S1PR3: variants seen among roughly 807,000 people sequenced by gnomAD.
S1PR3 encodes sphingosine 1-phosphate receptor 3.
Under a neutral mutation model 13.3 loss-of-function variants are expected in S1PR3, and 12 were observed. The ratio of observed to expected loss-of-function variants is 0.90; its 90% CI spans 0.58 to 1.46. The LOEUF (loss-of-function observed/expected upper bound fraction) is 1.46. Ranked by LOEUF, S1PR3 falls within the 40% of genes most tolerant of loss-of-function variation. The probability of loss-of-function intolerance (pLI) is 0.00; values close to 1 mark genes in which losing one functional copy is unlikely to be tolerated. For missense variants in S1PR3, 450 were observed against 501.9 expected (o/e 0.90, Z 0.99); for synonymous variants, 232 against 214.0 (o/e 1.08, Z -0.73).
chr9:89,001,322 T>A lies in S1PR3; in HGVS notation c.122T>A (p.Leu41His). The A allele has an allele frequency of 6.2e-7, 1 of 1,614,206 alleles. No individual in the cohort carries two copies. The highest frequency in any genetic ancestry group is 1.3e-5 in the African/African-American group (1 of 75,050). Residue 41 changes from leucine (L) to histidine (H), a missense_variant, in exon 2 of 2, where the codon CTC becomes CAC. By Grantham distance (99) the Leu-to-His change is moderately conservative. Coordinates refer to ENST00000358157, the MANE Select transcript of S1PR3 (RefSeq NM_005226.4). Reference sequence around the variant, plus strand: ...AAGGAGGCCTCCGAGGGCAGCACGCTCACCACCGTGCTCTTCTTGGTCATC... The same window carrying A: ...AAGGAGGCCTCCGAGGGCAGCACGCACACCACCGTGCTCTTCTTGGTCATC... The part of the protein sequence containing the change: ...RLKEASEGST[L>H]TTVLFLVICS...
At chr9:88,999,076 C>T (rs1825839169) in intron 1 of S1PR3, 1 of 152,370 alleles carries the variant, frequency 6.6e-6, no homozygotes, top group Non-Finnish European at 1.5e-5. Context: ...CTTTTTCTTT[C>T]TGCAGTTAGC....
At position 88,991,792 on chromosome 9, in the gene S1PR3, G is replaced by A. The variant is rs1825715298; in HGVS notation, c.-148+97G>A. On this transcript the variant is annotated intron_variant, in intron 1 of 1. Transcript: ENST00000358157. The surrounding 1 kb of genome is among the most constrained non-coding windows in gnomAD (Gnocchi z 4.0). ...CAAAATCCCCACCGATCCCGGGCGC[G>A]ACGGGGACTTGGGCGCGCCACGGCG... is the stretch of plus-strand genomic sequence containing the variant. 5 of 1,598,944 alleles carry A rather than the reference G, an allele frequency of 3.1e-6. No individual in the cohort carries two copies. The highest frequency in any genetic ancestry group is 4.3e-6 in the Non-Finnish European group (5 of 1,172,164).
intron 1 of S1PR3, chr9:88,998,327 T>C (rs1239455282): frequency 6.6e-6 from 1 of 152,086 alleles, no homozygotes; most frequent in African/African-American, 2.4e-5. Context: ...AATACAAATA[T>C]TAGCCGGGCA....
chr9:88,999,815 A>T (rs1035630707), intron 1 of S1PR3: 1 of 152,092 alleles, frequency 6.6e-6, no homozygotes, highest in African/African-American at 2.4e-5. Context: ...CAGCCTGGCC[A>T]ACATGGTGAA....
chr9:89,002,160 A>G lies in S1PR3; in HGVS notation c.960A>G (p.Gly320=). 1.2e-6 allele frequency: 2 copies of G among 1,613,726 alleles called. No homozygotes were observed. Among genetic ancestry groups the G allele is most frequent in the Middle Eastern group, 3.3e-4 (2 of 6,062 alleles). ...FRLVCNCLVR[G]RGARASPIQP... ...TGGTCTGCAACTGCCTGGTCAGGGG[A>G]CGGGGGGCCCGCGCCTCACCCATCC... is the stretch of plus-strand genomic sequence containing the variant. The change falls in exon 2 of 2, where the codon GGA becomes GGG. Residue 320 remains glycine (G), a synonymous_variant. Coordinates refer to ENST00000358157, the MANE Select transcript of S1PR3 (RefSeq NM_005226.4).
At chr9:88,997,701 C>T (rs1200804483) in intron 1 of S1PR3, 2 of 152,242 alleles carry the variant, frequency 1.3e-5, no homozygotes, top group African/African-American at 2.4e-5. Flanking sequence ...AGAAACCCAA[C>T]ATACTGGAGT....
chr9:88,991,918 T>C lies in S1PR3; in HGVS notation c.-148+223T>C, dbSNP rs892814070. On this transcript the variant is annotated intron_variant, in intron 1 of 1. Coordinates refer to ENST00000358157, the MANE Select transcript of S1PR3 (RefSeq NM_005226.4). This position sits in a 1 kb window ranked among gnomAD's most constrained non-coding sequence, Gnocchi z 4.0. ...CGGAGCGTTTACAACGGGCTGGAGC[T>C]GAATACCTGGATGAAAGTGGAGAGG... The C allele has an allele frequency of 6.2e-7, 1 of 1,614,212 alleles. No individual in the cohort carries two copies. Among genetic ancestry groups the C allele is most frequent in the Admixed American group, 1.7e-5 (1 of 60,032 alleles).
At chr9:88,992,272 G>A in intron 1 of S1PR3, 1 of 409,556 alleles carries the variant, frequency 2.4e-6, no homozygotes, top group Non-Finnish European at 4.3e-6. Flanking sequence ...CCAATAGTCA[G>A]TCTCTCTCTC....
rs779478799 is a variant in S1PR3, at chr9:89,001,157, C to A, written c.-44C>A. On this transcript the variant is annotated 5_prime_UTR_variant, in exon 2 of 2. Coordinates refer to ENST00000358157, the MANE Select transcript of S1PR3 (RefSeq NM_005226.4). Reference sequence around the variant, plus strand: ...CTTTGAAATGAATGTTCCTGGGGCGCCCTCTCGTGGATTTTGGAGCTAATC... The same window carrying A: ...CTTTGAAATGAATGTTCCTGGGGCGACCTCTCGTGGATTTTGGAGCTAATC... 4 of 1,594,104 alleles carry A rather than the reference C, an allele frequency of 2.5e-6. No homozygotes were observed. The South Asian group carries it at 3.4e-5, about 14-fold the overall frequency.
chr9:88,997,176 T>C (rs1825812647), intron 1 of S1PR3: 1 of 152,206 alleles, frequency 6.6e-6, no homozygotes, highest in African/African-American at 2.4e-5. Context: ...GAGGGATGAA[T>C]ATTTAATTAT....
In S1PR3 at chr9:89,001,831, A is replaced by G; in HGVS notation, c.631A>G (p.Ile211Val). The G allele has an allele frequency of 6.2e-7, 1 of 1,614,258 alleles. No individual in the cohort carries two copies. The highest frequency in any genetic ancestry group is 8.5e-7 in the Non-Finnish European group (1 of 1,180,048). ...ISIFTAILVTIVILYARIYFL... is the reference protein window; with the variant it reads ...ISIFTAILVTVVILYARIYFL... ...CATCTTCACGGCCATCCTGGTGACC[A>G]TCGTGATCCTCTACGCACGCATCTA... Residue 211 changes from isoleucine (I) to valine (V), a missense_variant, in exon 2 of 2, where the codon ATC becomes GTC. Coordinates refer to ENST00000358157, the MANE Select transcript of S1PR3 (RefSeq NM_005226.4).
chr9:89,002,275 G>T lies in S1PR3; in HGVS notation c.1075G>T (p.Ala359Ser). Residue 359 changes from alanine to serine, a missense_variant, in exon 2 of 2, where the codon GCC becomes TCC. By Grantham distance (99) the Ala-to-Ser change is moderately conservative (BLOSUM62 1). Transcript: ENST00000358157. ...GGTCAAGGAAGACCTGCCCCACACA[G>T]CCCCCTCATCCTGCATCATGGACAA... ...PKVKEDLPHT[A>S]PSSCIMDKNA... The T allele has an allele frequency of 6.2e-7, 1 of 1,614,102 alleles. No individual in the cohort carries two copies. The highest frequency in any genetic ancestry group is 1.1e-5 in the South Asian group (1 of 91,082).
In S1PR3 at chr9:89,002,050, A is replaced by G; in HGVS notation, c.850A>G (p.Ile284Val). The change falls in exon 2 of 2, where the codon ATC becomes GTC. Residue 284 changes from isoleucine (I) to valine (V), a missense_variant. Coordinates refer to ENST00000358157, the MANE Select transcript of S1PR3 (RefSeq NM_005226.4). ...CATCCTCTTCAAGGCTCAGTGGTTC[A>G]TCGTGTTGGCTGTGCTCAACTCCGC... ...CPILFKAQWF[I>V]VLAVLNSAMN... 5 of 1,614,018 alleles carry G rather than the reference A, an allele frequency of 3.1e-6. No homozygotes were observed. In the South Asian group the frequency reaches 4.4e-5, roughly 14 times the overall value.
At position 89,002,123 on chromosome 9, in the gene S1PR3, CCTT is replaced by C; in HGVS notation, c.928_930del (p.Phe310del). The C allele has an allele frequency of 6.2e-7, 1 of 1,613,652 alleles. No individual in the cohort carries two copies. Among genetic ancestry groups the C allele is most frequent in the South Asian group, 1.1e-5 (1 of 91,074 alleles). ...CTGGCCAGCAAGGAGATGCGGCGGG[CCTT>C]CTTCCGTCTGGTCTGCAACTGCCTG... On this transcript the variant is annotated inframe_deletion, in exon 2 of 2. Coordinates refer to ENST00000358157, the MANE Select transcript of S1PR3 (RefSeq NM_005226.4).
Position 88,991,758 on chromosome 9 carries a change from C to T in S1PR3, c.-148+63C>T, listed in dbSNP as rs1459183104. ...GGGGGGCTGGGGGCCGAAGGACCCA[C>T]CTTTCCAACAAAATCCCCACCGATC... On this transcript the variant is annotated intron_variant, in intron 1 of 1. Transcript: ENST00000358157. This position sits in a 1 kb window ranked among gnomAD's most constrained non-coding sequence, Gnocchi z 4.0. 6.4e-7 allele frequency: 1 copy of T among 1,559,254 alleles called. No individual in the cohort carries two copies. Among genetic ancestry groups the T allele is most frequent in the African/African-American group, 1.4e-5 (1 of 73,386 alleles).
chr9:88,991,457 C>T (rs1825699651), upstream of S1PR3: 3 of 1,546,356 alleles, frequency 1.9e-6, no homozygotes, highest in East Asian at 7.4e-5. This position sits in a 1 kb window ranked among gnomAD's most constrained non-coding sequence, Gnocchi z 4.0. Context: ...TAGTCTCTGA[C>T]TCGCTCGGGC....
At position 88,991,969 on chromosome 9, in the gene S1PR3, C is replaced by A; in HGVS notation, c.-148+274C>A. ...CTGTTCGTGGAGAAGTTCCATCAGT[C>A]GTTTTCCTTGGACAATTAACAAGTT... On this transcript the variant is annotated intron_variant, in intron 1 of 1. Transcript: ENST00000358157. The surrounding 1 kb of genome is among the most constrained non-coding windows in gnomAD (Gnocchi z 4.0). 6.2e-7 allele frequency: 1 copy of A among 1,614,192 alleles called. No homozygotes were observed. The highest frequency in any genetic ancestry group is 1.1e-5 in the South Asian group (1 of 91,056).
upstream of S1PR3, chr9:88,991,239 T>A: frequency 6.4e-7 from 1 of 1,557,534 alleles, no homozygotes; most frequent in East Asian, 2.4e-5. This position sits in a 1 kb window ranked among gnomAD's most constrained non-coding sequence, Gnocchi z 4.0. Context: ...CCCTAGGGGA[T>A]TGGTAGGGTC....
In S1PR3 at chr9:89,001,245, C is replaced by G. The variant is rs753858410; in HGVS notation, c.45C>G (p.Asn15Lys). The G allele has an allele frequency of 1.9e-6, 3 of 1,613,844 alleles. No individual in the cohort carries two copies. The highest frequency in any genetic ancestry group is 1.3e-5 in the African/African-American group (1 of 74,900). Residue 15 changes from asparagine to lysine, a missense_variant, in exon 2 of 2, where the codon AAC (asparagine) becomes AAG (lysine). Coordinates refer to ENST00000358157, the MANE Select transcript of S1PR3 (RefSeq NM_005226.4). ...LPPRLQPVRGNETLREHYQYV... is the reference protein window; with the variant it reads ...LPPRLQPVRGKETLREHYQYV... Reference sequence around the variant, plus strand: ...CGCGTCTCCAGCCGGTGCGGGGGAACGAGACCCTGCGGGAGCATTACCAGT... The same window carrying G: ...CGCGTCTCCAGCCGGTGCGGGGGAAGGAGACCCTGCGGGAGCATTACCAGT...
Sources: gnomAD v4.1 joint callset for allele counts on GRCh38, gnomAD v4.1.1 for gene constraint, Gnocchi (gnomAD v3.1) non-coding constraint, MANE v1.5 for transcripts, NCBI Gene and HGNC (gene_info 2026-07-23, HGNC 2026-07-21) for gene names.